The following SLC22A24 variants were observed in gnomAD, a reference collection of about 807,000 sequenced individuals.
The protein encoded by SLC22A24 is steroid transmembrane transporter SLC22A24.
Under a neutral mutation model 49.8 loss-of-function variants are expected in SLC22A24, and 53 were observed. That is an observed-to-expected ratio of 1.06 (90% confidence interval 0.85 to 1.34). The LOEUF is 1.34. Ranked by LOEUF, SLC22A24 falls within the 40% of genes most tolerant of loss-of-function variation. The probability of loss-of-function intolerance (pLI) is 0.00; values close to 1 mark genes in which losing one functional copy is unlikely to be tolerated. For synonymous variants in SLC22A24, 302 were observed against 256.4 expected (o/e 1.18, Z -1.70); for missense variants, 786 against 675.9 (o/e 1.16, Z -1.81).
At chr11:63,097,075 G>A (rs2087059163) in intron 5 of SLC22A24, among the ~76,000 whole-genome samples, 1 of 151,930 alleles carries the variant, frequency 6.6e-6, no homozygotes, top group Non-Finnish European at 1.5e-5. Flanking sequence ...TAGAGCTCCA[G>A]TAAGTAAATA....
rs988990803 is a variant in SLC22A24, at chr11:63,110,735, A to T, written c.831-6437T>A. Among the ~76,000 whole-genome samples, 85 of 136,024 alleles carry T rather than the reference A, an allele frequency of 6.2e-4. 1 individual carries two copies. The highest frequency in any genetic ancestry group is 3.5e-3 in the Middle Eastern group (1 of 282). The allele number at this position is 136,024 out of a possible 152,430, so 89.2% of individuals were successfully genotyped here. On this transcript the variant is annotated intron_variant, in intron 4 of 9. Coordinates refer to ENST00000612278, the MANE Select transcript of SLC22A24 (RefSeq NM_001136506.2). The stretch of plus-strand genomic sequence containing the variant: ...CTTTGCTGAAGTTGCTTATCAGCTT[A>T]AGGAGATTTTGGGCTGAGACGATGG...
intron 2 of SLC22A24, among the ~76,000 whole-genome samples, chr11:63,124,641 C>T (rs1020630627): frequency 6.6e-6 from 1 of 152,114 alleles, no homozygotes; most frequent in Non-Finnish European, 1.5e-5. Flanking sequence ...AACTGGTCTC[C>T]TGGCTGCCAC....
intron 6 of SLC22A24, among the ~76,000 whole-genome samples, chr11:63,086,172 A>C (rs985920248): frequency 2.6e-5 from 4 of 152,208 alleles, no homozygotes; most frequent in Non-Finnish European, 5.9e-5. Context: ...TTGACCCAGC[A>C]ATCCCATTAT....
intron 4 of SLC22A24, among the ~76,000 whole-genome samples, chr11:63,115,404 T>A (rs1018479703): frequency 6.6e-6 from 1 of 152,198 alleles, no homozygotes; most frequent in African/African-American, 2.4e-5. Flanking sequence ...GTCTGCTGGT[T>A]GCTAAGACCT....
intron 6 of SLC22A24, 56 bp downstream of exon 6, chr11:63,095,935 G>C: frequency 8.0e-7 from 1 of 1,247,356 alleles, no homozygotes; most frequent in East Asian, 2.5e-5. Flanking sequence ...TTTGAAAGAA[G>C]AAACAGTTTT....
At chr11:63,084,041 A>T (rs1398790669) in intron 6 of SLC22A24, among the ~76,000 whole-genome samples, 1 of 152,136 alleles carries the variant, frequency 6.6e-6, no homozygotes, top group Non-Finnish European at 1.5e-5. Flanking sequence ...ACATAGAGAA[A>T]AGGTCAACAA....
At chr11:63,107,856 A>C (rs1476513060) in intron 4 of SLC22A24, among the ~76,000 whole-genome samples, 4 of 152,090 alleles carry the variant, frequency 2.6e-5, no homozygotes, top group African/African-American at 9.7e-5. Context: ...GGTTTTCTAG[A>C]TATACAATCA....
intron 6 of SLC22A24, among the ~76,000 whole-genome samples, chr11:63,094,925 G>T (rs1266583433): frequency 6.6e-6 from 1 of 152,118 alleles, no homozygotes; most frequent in African/African-American, 2.4e-5. Context: ...CTCCCATTGT[G>T]TAGGTTGCCT....
chr11:63,091,789 A>T (rs1302695123), intron 6 of SLC22A24, among the ~76,000 whole-genome samples: 1 of 152,126 alleles, frequency 6.6e-6, no homozygotes, highest in African/African-American at 2.4e-5. Flanking sequence ...TGACAAATCC[A>T]TAGCCAATAT....
At chr11:63,120,841 G>A (rs947827875) in intron 2 of SLC22A24, among the ~76,000 whole-genome samples, 1 of 152,040 alleles carries the variant, frequency 6.6e-6, no homozygotes, top group African/African-American at 2.4e-5. Flanking sequence ...AAATTTGTAT[G>A]AGGCAACTTA....
chr11:63,081,469 C>T (rs1016593019), intron 8 of SLC22A24, 89 bp downstream of exon 8: 1 of 908,252 alleles, frequency 1.1e-6, no homozygotes. Context: ...TCATCTGGCA[C>T]CTAAACAGTG....
Position 63,096,026 on chromosome 11 carries a change from T to G in SLC22A24, c.1035A>C (p.Lys345Asn), listed in dbSNP as rs1317639393. The stretch of plus-strand genomic sequence containing the variant: ...ACAGGCCGAAGACTCTCATTCGCAA[T>G]TTGGGTGCACGGAACAGGGAAAAAA... ...TSIFSLFRAP[K>N]LRMRVFGLCF... The change falls in exon 6 of 10, where the codon AAA (lysine) becomes AAC (asparagine). Residue 345 changes from lysine (K) to asparagine (N), a missense_variant. Lys to Asn is a moderately conservative substitution (Grantham distance 94). Transcript: ENST00000612278. 5 of 1,550,736 alleles carry G rather than the reference T, an allele frequency of 3.2e-6. No individual in the cohort carries two copies. Among genetic ancestry groups the G allele is most frequent in the Non-Finnish European group, 4.4e-6 (5 of 1,146,356 alleles).
At chr11:63,113,219 T>TATATATACATATATATACAC (rs1565332381) in intron 4 of SLC22A24, among the ~76,000 whole-genome samples, 1 of 5,152 alleles carries the variant, frequency 1.9e-4, no homozygotes, top group African/African-American at 2.6e-4. Context: ...TATACACATA[T>TATATATACATATATATACAC]ATATATATAC....
intron 2 of SLC22A24, among the ~76,000 whole-genome samples, chr11:63,130,061 A>T (rs1205968266): frequency 6.6e-6 from 1 of 150,818 alleles, no homozygotes; most frequent in South Asian, 2.1e-4. Context: ...GCTGGTTTTC[A>T]AAGAGAATGC....
chr11:63,105,061 G>T (rs1565328541), intron 4 of SLC22A24, among the ~76,000 whole-genome samples: 1 of 152,212 alleles, frequency 6.6e-6, no homozygotes, highest in Non-Finnish European at 1.5e-5. Flanking sequence ...AATCCAGCAG[G>T]GCAGTCAAAT....
At chr11:63,089,346 A>C (rs1328906099) in intron 6 of SLC22A24, among the ~76,000 whole-genome samples, 14 of 152,086 alleles carry the variant, frequency 9.2e-5, no homozygotes, top group Admixed American at 9.2e-4. Flanking sequence ...GAAAAACAAA[A>C]CCCTTTCCAG....
intron 2 of SLC22A24, among the ~76,000 whole-genome samples, chr11:63,133,115 C>T (rs189226015): frequency 3.2e-4 from 49 of 152,278 alleles, no homozygotes; most frequent in Middle Eastern, 6.8e-3. Flanking sequence ...TGGGACCCAC[C>T]GAGCCAGGCA....
intron 4 of SLC22A24, 91 bp downstream of exon 4, chr11:63,118,821 A>G (rs1471149722): frequency 6.6e-6 from 9 of 1,359,126 alleles, no homozygotes; most frequent in Non-Finnish European, 9.3e-6. Context: ...GGACTAGGCC[A>G]GAGACCGAAC....
intron 6 of SLC22A24, 143 bp downstream of exon 6, chr11:63,095,848 C>A: frequency 1.6e-6 from 1 of 621,354 alleles, no homozygotes. Context: ...AAAAATGTGG[C>A]ACTTAGAGGC....
Sources: allele counts gnomAD v4.1 joint callset (sites outside exome capture counted in the v4.1 genomes callset), GRCh38; gene constraint gnomAD v4.1.1; transcripts MANE v1.5; gene names NCBI Gene and HGNC (gene_info 2026-07-23, HGNC 2026-07-21).